Variants in WWOX observed in about 807,000 individuals in gnomAD.
The protein encoded by WWOX is WW domain-containing oxidoreductase.
WWOX carries 69 observed loss-of-function variants against 46.2 expected under a neutral mutation model. The observed-to-expected ratio is 1.49, with a 90% CI of 1.23 to 1.82. The LOEUF (loss-of-function observed/expected upper bound fraction) is 1.82. Ranked by LOEUF, WWOX falls within the 40% of genes most tolerant of loss-of-function variation. The pLI is 0.00. For missense variants in WWOX, 919 were observed against 542.6 expected (o/e 1.69, Z -6.89); for synonymous variants, 359 against 202.6 (o/e 1.77, Z -6.56).
chr16:78,903,281 T>C (rs1259090296), intron 8 of WWOX, among the ~76,000 whole-genome samples: 2 of 152,200 alleles, frequency 1.3e-5, no homozygotes, highest in Non-Finnish European at 2.9e-5. Context: ...GAAGTGAAGT[T>C]ACAAATATCA....
intron 8 of WWOX, among the ~76,000 whole-genome samples, chr16:78,958,789 A>G (rs371504017): frequency 6.6e-6 from 1 of 152,354 alleles, no homozygotes; most frequent in East Asian, 1.9e-4. Context: ...TAATCTGAAA[A>G]TAGGACATGG....
chr16:78,387,232 A>T (rs1282001483), intron 6 of WWOX, among the ~76,000 whole-genome samples: 1 of 152,196 alleles, frequency 6.6e-6, no homozygotes, highest in Non-Finnish European at 1.5e-5. Flanking sequence ...CAATAGTAAG[A>T]TGCATCCTGA....
At chr16:78,856,202 A>C (rs1439944229) in intron 8 of WWOX, among the ~76,000 whole-genome samples, 1 of 152,230 alleles carries the variant, frequency 6.6e-6, no homozygotes, top group Non-Finnish European at 1.5e-5. Flanking sequence ...GAACAGAATG[A>C]CAGAGGAAAA....
chr16:78,370,492 G>A (rs59265389), intron 5 of WWOX, among the ~76,000 whole-genome samples: 8,091 of 37,620 alleles, frequency 0.22, 283 homozygotes, highest in South Asian at 0.26. Context: ...GGGTATCTAC[G>A]ATGTTTTTTT....
At chr16:78,810,831 G>A (rs925620983) in intron 8 of WWOX, among the ~76,000 whole-genome samples, 6 of 152,132 alleles carry the variant, frequency 3.9e-5, no homozygotes, top group Non-Finnish European at 8.8e-5. Context: ...AAAGACAAAT[G>A]ACAGCGCAAG....
At chr16:78,642,338 C>G (rs958752272) in intron 8 of WWOX, among the ~76,000 whole-genome samples, 1 of 152,128 alleles carries the variant, frequency 6.6e-6, no homozygotes, top group Non-Finnish European at 1.5e-5. Flanking sequence ...GAACCCAGGG[C>G]TTCTGTCTCC....
chr16:78,537,559 A>T (rs1226269662), intron 8 of WWOX, among the ~76,000 whole-genome samples: 1 of 152,144 alleles, frequency 6.6e-6, no homozygotes, highest in Non-Finnish European at 1.5e-5. Context: ...TCATGCTGAC[A>T]TACTAAACCA....
chr16:78,601,562 C>T lies in WWOX; in HGVS notation c.1056+168810C>T, dbSNP rs540457995. ...AAATTGTAAGGTCTTTTTATATAAG[C>T]ACTTTCCGTTAAAGGGGAAGAAATA... On this transcript the variant is annotated intron_variant, in intron 8 of 8. Transcript: ENST00000566780. 5.3e-5 allele frequency among the ~76,000 whole-genome samples: 8 copies of T among 152,244 alleles called. No homozygotes were observed. The South Asian group carries it at 1.0e-3, about 20-fold the overall frequency.
chr16:78,121,082 C>A (rs2033071283), intron 4 of WWOX, among the ~76,000 whole-genome samples: 1 of 152,000 alleles, frequency 6.6e-6, no homozygotes, highest in Non-Finnish European at 1.5e-5. Flanking sequence ...CATATGAGAT[C>A]ATTGCACTTG....
rs549350339 is a variant in WWOX, at chr16:78,345,277, C to G, written c.517-41583C>G. On this transcript the variant is annotated intron_variant, in intron 5 of 8. Coordinates refer to ENST00000566780, the MANE Select transcript of WWOX (RefSeq NM_016373.4). ...TCATCTATAAAAGGGAGACTTCAAT[C>G]TTATTTAATGGCAAAAGTCACAATT... Among the ~76,000 whole-genome samples, 22 of 113,336 alleles carry G rather than the reference C, an allele frequency of 1.9e-4. 5 individuals carry two copies. The highest frequency in any genetic ancestry group is 5.9e-4 in the African/African-American group (20 of 33,638). 74.4% of individuals were successfully genotyped at this position (113,336 alleles called of 152,430 possible).
intron 8 of WWOX, among the ~76,000 whole-genome samples, chr16:78,782,870 C>G (rs1417828102): frequency 6.6e-6 from 1 of 152,090 alleles, no homozygotes; most frequent in Admixed American, 6.5e-5. Context: ...ATACAATGAT[C>G]CAAAAATGTC....
intron 8 of WWOX, among the ~76,000 whole-genome samples, chr16:78,623,611 C>T (rs902453367): frequency 4.0e-5 from 6 of 151,840 alleles, no homozygotes; most frequent in African/African-American, 1.5e-4. Context: ...ACCCGAGAGG[C>T]AGGGGTTGCA....
chr16:78,635,305 C>A (rs889075060), intron 8 of WWOX, among the ~76,000 whole-genome samples: 2 of 152,070 alleles, frequency 1.3e-5, no homozygotes, highest in Admixed American at 6.6e-5. Context: ...TTTAATCCAT[C>A]GCCCAAAAAG....
chr16:78,432,421 A>G, intron 7 of WWOX, 67 bp from the exon 8 acceptor site: 2 of 1,595,238 alleles, frequency 1.3e-6, no homozygotes, highest in Non-Finnish European at 8.5e-7. Flanking sequence ...TAGATTTCCA[A>G]TAAAAATAAA....
At chr16:78,761,088 A>C (rs558068890) in intron 8 of WWOX, among the ~76,000 whole-genome samples, 1 of 152,346 alleles carries the variant, frequency 6.6e-6, no homozygotes, top group African/African-American at 2.4e-5. Context: ...CTACAATTCA[A>C]GATGCGATTT....
chr16:78,542,700 A>G (rs191037640), intron 8 of WWOX, among the ~76,000 whole-genome samples: 44 of 152,328 alleles, frequency 2.9e-4, no homozygotes, highest in Admixed American at 9.8e-4. Flanking sequence ...TAAATAGACA[A>G]TTCTTCTATC....
rs1232012084 is a variant in WWOX at position 78,341,129 on chromosome 16, C to G, written c.517-45731C>G. On this transcript the variant is annotated intron_variant, in intron 5 of 8. Transcript: ENST00000566780. Reference sequence around the variant, plus strand: ...CTTAAGACTCAGCTCTCTTAAGTCACTTCCTAGTTGTCCATCTGCTTTCCA... The same window carrying G: ...CTTAAGACTCAGCTCTCTTAAGTCAGTTCCTAGTTGTCCATCTGCTTTCCA... Among the ~76,000 whole-genome samples, 2 of 116,000 alleles carry G rather than the reference C, an allele frequency of 1.7e-5. 1 individual carries two copies. The highest frequency in any genetic ancestry group is 6.0e-5 in the African/African-American group (2 of 33,582). 76.1% of individuals were successfully genotyped at this position (116,000 alleles called of 152,430 possible). A position where few individuals can be genotyped will look rare whatever the true frequency, so the allele number is the denominator to read the frequency against.
rs187120246 is a variant in WWOX at position 79,020,768 on chromosome 16, G to A, written c.1057-190840G>A. Among the ~76,000 whole-genome samples the A allele has an allele frequency of 7.9e-5, 12 of 152,290 alleles. No homozygotes were observed. The East Asian group carries it at 1.5e-3, about 20-fold the overall frequency. ...TCAACACGCATGCAGCTTCCCACAC[G>A]TCGTGTGGATTCTTTTCTGTGCTCT... On this transcript the variant is annotated intron_variant, in intron 8 of 8. Transcript: ENST00000566780.
intron 5 of WWOX, among the ~76,000 whole-genome samples, chr16:78,386,560 A>C (rs994596411): frequency 7.2e-5 from 11 of 152,100 alleles, no homozygotes; most frequent in Non-Finnish European, 1.3e-4. Flanking sequence ...GATTGAGAGG[A>C]GATAACGTTA....
Sources: allele counts gnomAD v4.1 joint callset (sites outside exome capture counted in the v4.1 genomes callset), GRCh38; gene constraint gnomAD v4.1.1; transcripts MANE v1.5; gene names NCBI Gene and HGNC (gene_info 2026-07-23, HGNC 2026-07-21).